The following FANCI variants were observed in gnomAD, a reference collection of about 807,000 sequenced individuals.
FANCI encodes Fanconi anemia group I protein.
In FANCI, 156 loss-of-function variants were observed where a neutral mutation model predicts 176.1. The ratio of observed to expected loss-of-function variants is 0.89; its 90% confidence interval spans 0.78 to 1.01. The LOEUF is 1.01. Ranked by LOEUF, FANCI falls within the 50% of genes least tolerant of loss-of-function variation. FANCI has a pLI of 0.00. For synonymous variants in FANCI, 613 were observed against 541.7 expected (o/e 1.13, Z -1.83); for missense variants, 1,678 against 1,534.1 (o/e 1.09, Z -1.57).
chr15:89,286,977 C>CTTTTTTTTTTTTTTTGTTTT (rs2053839955), intron 18 of FANCI, among the ~76,000 whole-genome samples: 1 of 86,054 alleles, frequency 1.2e-5, no homozygotes, highest in Non-Finnish European at 2.1e-5. Flanking sequence ...TCACCTTGCA[C>CTTTTTTTTTTTTTTTGTTTT]TTTTTTTTTT....
chr15:89,286,300 G>C (rs1281269471), intron 18 of FANCI, among the ~76,000 whole-genome samples: 9 of 152,116 alleles, frequency 5.9e-5, no homozygotes, highest in African/African-American at 9.7e-5. Context: ...GCCTAACTTA[G>C]TTTTTATAAA....
At chr15:89,274,024 C>A (rs2053309259) in intron 11 of FANCI, 144 bp from the exon 12 acceptor site, 2 of 630,404 alleles carry the variant, frequency 3.2e-6, no homozygotes, top group Admixed American at 3.0e-5. Context: ...ATGTGAATGG[C>A]AGCTCATAGG....
At position 89,316,331 on chromosome 15, in the gene FANCI, T is replaced by C. The variant is rs2055257867; in HGVS notation, c.3925-66T>C. Reference sequence around the variant, plus strand: ...GAGAAGATAGAGTCTTTTTTTTCCTTCTTTTTATTTCCACTGCCTTGGAGC... The same window carrying C: ...GAGAAGATAGAGTCTTTTTTTTCCTCCTTTTTATTTCCACTGCCTTGGAGC... On this transcript the variant is annotated intron_variant, in intron 37 of 37. Transcript: ENST00000310775. 4 of 1,498,052 alleles carry C rather than the reference T, an allele frequency of 2.7e-6. No homozygotes were observed. The highest frequency in any genetic ancestry group is 3.7e-6 in the Non-Finnish European group (4 of 1,093,632). The allele number at this position is 1,498,052 out of a possible 1,614,324, so 92.8% of individuals were successfully genotyped here.
At chr15:89,284,341 T>TTA (rs1291340373) in intron 17 of FANCI, among the ~76,000 whole-genome samples, 1 of 152,194 alleles carries the variant, frequency 6.6e-6, no homozygotes, top group Non-Finnish European at 1.5e-5. Flanking sequence ...TAGGAGACAT[T>TTA]TATATATAAC....
At chr15:89,270,392 G>A (rs2159080) in intron 10 of FANCI, among the ~76,000 whole-genome samples, 45,605 of 152,064 alleles carry the variant, frequency 0.3, 8,299 homozygotes, top group Non-Finnish European at 0.39. Context: ...ATCATAGTTC[G>A]AGATAGTATT....
chr15:89,286,136 C>T (rs1015450469), intron 18 of FANCI, among the ~76,000 whole-genome samples: 2 of 151,982 alleles, frequency 1.3e-5, no homozygotes, highest in Non-Finnish European at 2.9e-5. Flanking sequence ...GGGATTACAG[C>T]CATGCACCAC....
intron 2 of FANCI, among the ~76,000 whole-genome samples, chr15:89,248,075 A>G (rs2052069710): frequency 1.3e-5 from 2 of 152,246 alleles, no homozygotes; most frequent in Admixed American, 6.5e-5. Context: ...TGATTGAGAC[A>G]TTAGTTTTGC....
chr15:89,285,067 A>T, intron 17 of FANCI, 29 bp from the exon 18 acceptor site: 1 of 1,613,676 alleles, frequency 6.2e-7, no homozygotes, highest in Non-Finnish European at 8.5e-7. Context: ...TTGGTAAGAT[A>T]GACGTGAATT....
rs576127721 is a variant in FANCI, at chr15:89,278,819, C to T, written c.1381+45C>T. The T allele has an allele frequency of 1.6e-4, 236 of 1,495,208 alleles. 1 individual carries two copies. The East Asian group carries it at 1.9e-3, about 12-fold the overall frequency. The allele number at this position is 1,495,208 out of a possible 1,614,324, so 92.6% of individuals were successfully genotyped here. On this transcript the variant is annotated intron_variant, in intron 14 of 37. Transcript: ENST00000310775. Reference sequence around the variant, plus strand: ...TGAATAAAGTTTTTAGAAATATTTTCATTTCAATGTCATAATCATTTGGTC... The same window carrying T: ...TGAATAAAGTTTTTAGAAATATTTTTATTTCAATGTCATAATCATTTGGTC...
intron 31 of FANCI, 79 bp from the exon 32 acceptor site, chr15:89,305,928 T>C (rs2054700669): frequency 4.9e-6 from 7 of 1,432,054 alleles, no homozygotes; most frequent in Non-Finnish European, 6.9e-6. Context: ...TAGTTAGTAG[T>C]AATCAATTTC....
chr15:89,250,459 C>T (rs2052192188), intron 2 of FANCI, among the ~76,000 whole-genome samples: 1 of 151,030 alleles, frequency 6.6e-6, no homozygotes, highest in Non-Finnish European at 1.5e-5. Flanking sequence ...AAAACCAAAC[C>T]CCACATGTTC....
intron 34 of FANCI, 92 bp from the exon 35 acceptor site, chr15:89,312,811 TG>T (rs2055020206): frequency 7.6e-6 from 7 of 916,858 alleles, no homozygotes; most frequent in Non-Finnish European, 1.1e-5. Context: ...AGCAAAGCTC[TG>T]TCTTAAAAAA....
intron 14 of FANCI, among the ~76,000 whole-genome samples, chr15:89,280,866 A>T (rs1336551021): frequency 6.6e-6 from 1 of 152,204 alleles, no homozygotes; most frequent in African/African-American, 2.4e-5. Context: ...TTATTGATTT[A>T]TTTTAGCTTA....
rs80307815 is a variant in FANCI, at chr15:89,312,767, C to T, written c.3652-137C>T. ...TCGGGGCGCAGAGGTTACAGTGGGTCGACATCACGCCACTGCACACCAGCC... is the reference window on the plus strand; with the variant it reads ...TCGGGGCGCAGAGGTTACAGTGGGTTGACATCACGCCACTGCACACCAGCC... On this transcript the variant is annotated intron_variant, in intron 34 of 37. Coordinates refer to ENST00000310775, the MANE Select transcript of FANCI (RefSeq NM_001113378.2). The T allele has an allele frequency of 6.7e-3, 4,506 of 676,876 alleles. 132 individuals carry two copies. In the East Asian group the frequency reaches 0.084, roughly 13 times the overall value. The allele number at this position is 676,876 out of a possible 1,614,324, so 41.9% of individuals were successfully genotyped here. A position where few individuals can be genotyped will look rare whatever the true frequency, so the allele number is the denominator to read the frequency against.
chr15:89,302,379 C>T (rs898919834), intron 27 of FANCI, among the ~76,000 whole-genome samples: 1 of 151,852 alleles, frequency 6.6e-6, no homozygotes, highest in Admixed American at 6.6e-5. Context: ...GTTTTTGCTG[C>T]AAAGAGGAAA....
chr15:89,300,743 T>C (rs1450152538), intron 26 of FANCI, among the ~76,000 whole-genome samples: 12 of 152,254 alleles, frequency 7.9e-5, no homozygotes, highest in African/African-American at 1.9e-4. Context: ...ACAATAAAGT[T>C]TGTTAGTTTC....
intron 34 of FANCI, among the ~76,000 whole-genome samples, chr15:89,308,945 CAA>C (rs34633263): frequency 2.2e-5 from 3 of 137,318 alleles, no homozygotes; most frequent in Admixed American, 7.4e-5. Flanking sequence ...AACTCCGTCT[CAA>C]AAAAAAAAAA....
At chr15:89,313,618 C>T (rs1249049326) in intron 35 of FANCI, among the ~76,000 whole-genome samples, 3 of 152,138 alleles carry the variant, frequency 2.0e-5, no homozygotes, top group African/African-American at 7.2e-5. Context: ...ATTAGTACAG[C>T]CTCTCCAGAG....
intron 12 of FANCI, 80 bp from the exon 13 acceptor site, chr15:89,276,631 T>C (rs1334843690): frequency 2.7e-6 from 4 of 1,499,400 alleles, no homozygotes; most frequent in Non-Finnish European, 2.8e-6. Context: ...GTTTGGGAAA[T>C]GTATAACAGG....
Sources: allele counts gnomAD v4.1 joint callset (sites outside exome capture counted in the v4.1 genomes callset), GRCh38; gene constraint gnomAD v4.1.1; transcripts MANE v1.5; gene names NCBI Gene and HGNC (gene_info 2026-07-23, HGNC 2026-07-21).